CCNH: variants seen among roughly 807,000 people sequenced by gnomAD.
CCNH encodes cyclin-H.
In CCNH, 31 loss-of-function variants were observed where a neutral mutation model predicts 41.9. The ratio of observed to expected loss-of-function variants is 0.74; its 90% CI spans 0.56 to 1.00. The LOEUF (loss-of-function observed/expected upper bound fraction) is 1.00. Ranked by LOEUF, CCNH falls within the 50% of genes least tolerant of loss-of-function variation. The pLI, the probability that CCNH is intolerant of heterozygous loss-of-function variation, is 0.00. For synonymous variants in CCNH, 138 were observed against 136.1 expected (o/e 1.01, Z -0.10); for missense variants, 362 against 388.4 (o/e 0.93, Z 0.57).
At chr5:87,320,083 A>G (rs766935818) in intron 9 of CCNH, among the ~76,000 whole-genome samples, 4 of 152,168 alleles carry the variant, frequency 2.6e-5, no homozygotes, top group African/African-American at 4.8e-5. Flanking sequence ...TCTCTGCTAA[A>G]TCATAGCAAG....
downstream of CCNH, among the ~76,000 whole-genome samples, chr5:87,372,375 T>C (rs543308700): frequency 9.2e-5 from 14 of 152,150 alleles, no homozygotes; most frequent in Non-Finnish European, 1.8e-4. Context: ...TCTTAGTCCA[T>C]GCCAACTGTT....
At chr5:87,338,805 A>G (rs1280630281) in intron 9 of CCNH, among the ~76,000 whole-genome samples, 1 of 151,790 alleles carries the variant, frequency 6.6e-6, no homozygotes, top group African/African-American at 2.4e-5. Flanking sequence ...AAATATATAT[A>G]TAATTTTCCA....
intron 9 of CCNH, chr5:87,330,972 TA>T (rs1344807798): frequency 6.9e-7 from 1 of 1,442,530 alleles, no homozygotes; most frequent in African/African-American, 1.4e-5. Context: ...GGTTCCTCAG[TA>T]TAAGATCGAG....
downstream of CCNH, among the ~76,000 whole-genome samples, chr5:87,388,333 C>T (rs969123144): frequency 6.6e-6 from 1 of 152,166 alleles, no homozygotes; most frequent in African/African-American, 2.4e-5. Flanking sequence ...GTAATCCAAG[C>T]CCTTGTTAAA....
the CCNH span, among the ~76,000 whole-genome samples, chr5:87,311,884 T>C: frequency 1.3e-5 from 2 of 152,336 alleles, no homozygotes; most frequent in South Asian, 2.1e-4. Flanking sequence ...GGCACTCTTA[T>C]TAAGCAGGAT....
upstream of CCNH, chr5:87,378,276 C>T (rs774464986): frequency 6.3e-5 from 74 of 1,178,406 alleles, no homozygotes; most frequent in Non-Finnish European, 7.3e-5. Context: ...CAACGCTGCA[C>T]GCAAAAAGCA....
At chr5:87,338,175 A>C (rs543290577) in intron 9 of CCNH, 1 of 1,582,956 alleles carries the variant, frequency 6.3e-7, no homozygotes, top group Non-Finnish European at 8.6e-7. Context: ...GAAAGTAGCT[A>C]TGAATACATT....
At chr5:87,360,275 C>T (rs773198374) in intron 9 of CCNH, among the ~76,000 whole-genome samples, 21 of 151,964 alleles carry the variant, frequency 1.4e-4, no homozygotes, top group African/African-American at 3.9e-4. Flanking sequence ...TACAGGCACG[C>T]GCCACCACGC....
intron 9 of CCNH, among the ~76,000 whole-genome samples, chr5:87,324,175 A>G (rs369604016): frequency 2.6e-5 from 4 of 152,198 alleles, no homozygotes; most frequent in East Asian, 1.9e-4. Flanking sequence ...AAACCCAACT[A>G]TAAGAATTGA....
At chr5:87,321,211 G>T (rs1206580431) in intron 9 of CCNH, among the ~76,000 whole-genome samples, 1 of 152,140 alleles carries the variant, frequency 6.6e-6, no homozygotes, top group African/African-American at 2.4e-5. Flanking sequence ...AGGAAGATAA[G>T]AAGTGTTTAG....
chr5:87,333,137 T>C (rs1757716702), intron 9 of CCNH: 1 of 1,388,892 alleles, frequency 7.2e-7, no homozygotes, highest in Admixed American at 2.7e-5. Flanking sequence ...ATAGTCCAAG[T>C]AAAAATTTAT....
Position 87,412,873 on chromosome 5 carries a change from C to G in CCNH, c.-79G>C. 1 of 1,557,164 alleles carries G rather than the reference C, an allele frequency of 6.4e-7. No individual in the cohort carries two copies. On this transcript the variant is annotated 5_prime_UTR_variant, in exon 1 of 9. Transcript: ENST00000256897. ...AGCGTCCTGGCGTAAAACACCCGTA[C>G]CCCCACCGAAGATCTCGCGGAAGCC...
At chr5:87,409,179 G>C (rs1365447680) in intron 3 of CCNH, 111 bp downstream of exon 3, 1 of 553,638 alleles carries the variant, frequency 1.8e-6, no homozygotes, top group African/African-American at 1.9e-5. Context: ...CCCTGTATTA[G>C]GAAGTCAGTT....
intron 9 of CCNH, among the ~76,000 whole-genome samples, chr5:87,321,281 T>C (rs535732076): frequency 6.6e-5 from 10 of 152,332 alleles, no homozygotes; most frequent in South Asian, 6.2e-4. Flanking sequence ...CACAGAGGAC[T>C]TCTGTGTCCA....
At chr5:87,350,719 T>TA (rs988859224) in intron 9 of CCNH, among the ~76,000 whole-genome samples, 54 of 145,852 alleles carry the variant, frequency 3.7e-4, no homozygotes, top group Non-Finnish European at 5.6e-4. Flanking sequence ...AAATGAGGAT[T>TA]AAAAAAAAAA....
At chr5:87,321,475 A>G (rs963831161) in intron 9 of CCNH, among the ~76,000 whole-genome samples, 6 of 152,120 alleles carry the variant, frequency 3.9e-5, no homozygotes, top group Non-Finnish European at 7.4e-5. Flanking sequence ...TGGAACTTCT[A>G]CCAGATGGCT....
In CCNH at chr5:87,400,428, T is replaced by C. The variant is rs141290829; in HGVS notation, c.761-923A>G. On this transcript the variant is annotated intron_variant, in intron 6 of 8. Transcript: ENST00000256897. ...AGAAATCAGTAATAAAACTAAGCTA[T>C]GAAATGAGTACAGTGGAATAAGACC... Among the ~76,000 whole-genome samples the C allele has an allele frequency of 1.4e-3, 219 of 152,314 alleles. 6 individuals are homozygous for C. In the East Asian group the frequency reaches 0.039, roughly 27 times the overall value.
intron 9 of CCNH, among the ~76,000 whole-genome samples, chr5:87,360,569 A>G (rs553295693): frequency 1.3e-5 from 2 of 152,276 alleles, no homozygotes; most frequent in East Asian, 1.9e-4. Context: ...TACAATTTCT[A>G]TATGTTTACT....
chr5:87,404,698 A>C, intron 5 of CCNH, 146 bp downstream of exon 5: 1 of 640,342 alleles, frequency 1.6e-6, no homozygotes, highest in East Asian at 2.9e-5. Context: ...ATGATGTTTA[A>C]AGATTTCCTC....
Sources: gnomAD v4.1 joint callset for allele counts (sites outside exome capture counted in the v4.1 genomes callset) on GRCh38, gnomAD v4.1.1 for gene constraint, MANE v1.5 for transcripts, NCBI Gene and HGNC (gene_info 2026-07-23, HGNC 2026-07-21) for gene names.